The following FAM107A variants were observed in gnomAD, a reference collection of about 807,000 sequenced individuals.
The protein encoded by FAM107A is family with sequence similarity 107 member A.
Under a neutral mutation model 13.7 loss-of-function variants are expected in FAM107A, and 19 were observed. The observed-to-expected ratio is 1.38, with a 90% CI of 0.97 to 2.03. The LOEUF (loss-of-function observed/expected upper bound fraction) is 2.03, where lower values mean the gene tolerates loss of function less well. Among genes scored for constraint, FAM107A ranks in the 30% most tolerant of loss-of-function variants. The probability of loss-of-function intolerance (pLI) is 0.00; values close to 1 mark genes in which losing one functional copy is unlikely to be tolerated. For missense variants in FAM107A, 203 were observed against 184.4 expected, an observed-to-expected ratio of 1.10 and a Z score of -0.58; for synonymous variants, 82 against 74.5, an observed-to-expected ratio of 1.10 and a Z score of -0.52.
chr3:58,580,059 G>A (rs551031436), upstream of FAM107A, among the ~76,000 whole-genome samples: 104 of 152,240 alleles, frequency 6.8e-4, no homozygotes, highest in African/African-American at 2.3e-3. Context: ...GCAACTGTAC[G>A]TGAGATCAGC....
chr3:58,593,580 C>CTTT (rs55829290), intron 1 of FAM107A, among the ~76,000 whole-genome samples: 1 of 147,882 alleles, frequency 6.8e-6, no homozygotes, highest in Non-Finnish European at 1.5e-5. Context: ...TGACGAAGTC[C>CTTT]TTTTTTTTTT....
At chr3:58,568,013 T>G (rs1445711712) in intron 2 of FAM107A, among the ~76,000 whole-genome samples, 3 of 152,150 alleles carry the variant, frequency 2.0e-5, no homozygotes, top group African/African-American at 7.2e-5. Flanking sequence ...CATAGCTCAC[T>G]GCAGCCTTGA....
intron 1 of FAM107A, among the ~76,000 whole-genome samples, chr3:58,583,264 G>A (rs1382608091): frequency 6.6e-6 from 1 of 152,180 alleles, no homozygotes; most frequent in African/African-American, 2.4e-5. Context: ...TATGTGTTAG[G>A]CCTCCTCCTC....
intron 1 of FAM107A, among the ~76,000 whole-genome samples, chr3:58,583,089 G>A (rs937885004): frequency 6.6e-6 from 1 of 152,168 alleles, no homozygotes; most frequent in African/African-American, 2.4e-5. Flanking sequence ...GTGAGCCACT[G>A]TGCCCGGCCG....
intron 1 of FAM107A, among the ~76,000 whole-genome samples, chr3:58,595,508 T>G (rs2065691819): frequency 6.6e-6 from 1 of 152,146 alleles, no homozygotes; most frequent in Non-Finnish European, 1.5e-5. Flanking sequence ...CTTAAGAAGG[T>G]ATGTTGTAAT....
At chr3:58,580,475 T>A (rs2065521934), upstream of FAM107A, among the ~76,000 whole-genome samples, 1 of 147,344 alleles carries the variant, frequency 6.8e-6, no homozygotes, top group African/African-American at 2.5e-5. Context: ...AATGCAGTGG[T>A]GCCATAATGG....
intron 1 of FAM107A, among the ~76,000 whole-genome samples, chr3:58,626,352 T>TGGTTG (rs2066017274): frequency 6.6e-6 from 1 of 152,154 alleles, no homozygotes; most frequent in East Asian, 1.9e-4. Context: ...CAATGCTGTC[T>TGGTTG]ACAAACCCCC....
At chr3:58,611,208 TC>T (rs2065850878) in intron 1 of FAM107A, among the ~76,000 whole-genome samples, 1 of 152,338 alleles carries the variant, frequency 6.6e-6, no homozygotes, top group East Asian at 1.9e-4. Context: ...TTTCCCAGTC[TC>T]TGGTATCTCT....
chr3:58,626,272 C>T (rs558577140), intron 1 of FAM107A, among the ~76,000 whole-genome samples: 1 of 152,258 alleles, frequency 6.6e-6, no homozygotes, highest in Admixed American at 6.5e-5. Flanking sequence ...TCACAAGCTC[C>T]CTCCTACTCC....
intron 1 of FAM107A, chr3:58,574,099 T>C (rs1040560640): frequency 3.3e-5 from 5 of 152,226 alleles, no homozygotes; most frequent in Non-Finnish European, 5.9e-5. Context: ...TCAACTCCTA[T>C]AGATTAAACT....
rs554806674 is a variant in FAM107A at position 58,594,125 on chromosome 3, T to C, written c.-69-4856A>G. Among the ~76,000 whole-genome samples the C allele has an allele frequency of 7.5e-4, 114 of 152,328 alleles. 2 individuals are homozygous for C. Among genetic ancestry groups the C allele is most frequent in the Admixed American group, 6.9e-3 (106 of 15,302 alleles). On this transcript the variant is annotated intron_variant, in intron 1 of 3. Transcript: ENST00000465970. ...CCTCTTCATCTCCAAAGCCCAACTA[T>C]GGACATTACCAAAACCATTAGGGGC...
Position 58,569,660 on chromosome 3 carries a change from C to G in FAM107A, c.170+31G>C, listed in dbSNP as rs368644512. 1.2e-4 allele frequency: 187 copies of G among 1,583,872 alleles called. No homozygotes were observed. Among genetic ancestry groups the G allele is most frequent in the Non-Finnish European group, 1.5e-4 (176 of 1,163,952 alleles). On this transcript the variant is annotated intron_variant, in intron 2 of 3. Coordinates refer to ENST00000360997, the MANE Select transcript of FAM107A (RefSeq NM_001076778.3). The surrounding 1 kb of genome is among the most constrained non-coding windows in gnomAD (Gnocchi z 5.7). ...CATCCCCCACAGGCCCAGGTGCTTG[C>G]GGGGCCCAGGCAGCAGGGCTTCATC...
intron 1 of FAM107A, chr3:58,570,418 G>C: frequency 1.0e-6 from 1 of 978,446 alleles, no homozygotes; most frequent in East Asian, 1.1e-4. Context: ...AGAGACTGCT[G>C]TGTCCCTAAT....
chr3:58,610,537 C>G (rs906512874), intron 1 of FAM107A, among the ~76,000 whole-genome samples: 5 of 152,236 alleles, frequency 3.3e-5, no homozygotes, highest in African/African-American at 1.2e-4. Flanking sequence ...CTGTCACCCT[C>G]TTAACTTCTC....
chr3:58,577,223 T>A lies in FAM107A; in HGVS notation c.-6+86A>T. 3.3e-6 allele frequency: 2 copies of A among 598,234 alleles called. No individual in the cohort carries two copies. Among genetic ancestry groups the A allele is most frequent in the South Asian group, 7.3e-5 (1 of 13,692 alleles). The allele number at this position is 598,234 out of a possible 1,614,324, so 37.1% of individuals were successfully genotyped here. A position where few individuals can be genotyped will look rare whatever the true frequency, so the allele number is the denominator to read the frequency against. On this transcript the variant is annotated intron_variant, in intron 1 of 3. Transcript: ENST00000360997. The surrounding 1 kb of genome is among the most constrained non-coding windows in gnomAD (Gnocchi z 4.9). ...GGTCCACTGACAGCCCACTTCAGTGTACCGGGTCTGCCCTCCTTCCCTTCC... is the reference window on the plus strand; with the variant it reads ...GGTCCACTGACAGCCCACTTCAGTGAACCGGGTCTGCCCTCCTTCCCTTCC...
chr3:58,598,867 AGT>A (rs1303788321), intron 1 of FAM107A, among the ~76,000 whole-genome samples: 1 of 151,102 alleles, frequency 6.6e-6, no homozygotes, highest in Admixed American at 6.6e-5. Context: ...TGTAAACCAC[AGT>A]GTGATGCCCC....
chr3:58,609,880 C>T (rs368354361), intron 1 of FAM107A, among the ~76,000 whole-genome samples: 4 of 152,180 alleles, frequency 2.6e-5, no homozygotes, highest in Non-Finnish European at 2.9e-5. Context: ...CCTAGAGGGT[C>T]GGGGCAGGAG....
upstream of FAM107A, among the ~76,000 whole-genome samples, chr3:58,582,628 C>A (rs1319894106): frequency 6.6e-6 from 1 of 152,214 alleles, no homozygotes; most frequent in Admixed American, 6.5e-5. Flanking sequence ...CATTGCTGGA[C>A]AACTGGGTGA....
intron 1 of FAM107A, among the ~76,000 whole-genome samples, chr3:58,605,875 A>C (rs751686749): frequency 1.3e-5 from 2 of 152,226 alleles, no homozygotes; most frequent in African/African-American, 2.4e-5. Context: ...TGAACTTCAC[A>C]GTCCATGCTT....
Sources: gnomAD v4.1 joint callset for allele counts (sites outside exome capture counted in the v4.1 genomes callset) on GRCh38, gnomAD v4.1.1 for gene constraint, Gnocchi (gnomAD v3.1) non-coding constraint, MANE v1.5 for transcripts, NCBI Gene and HGNC (gene_info 2026-07-23, HGNC 2026-07-21) for gene names.